The following FSTL4 variants were observed in gnomAD, a reference collection of about 807,000 sequenced individuals.
FSTL4 encodes follistatin like 4, also known as follistatin-related protein 4.
Under a neutral mutation model 78.2 loss-of-function variants are expected in FSTL4, and 28 were observed. The observed-to-expected ratio is 0.36, with a 90% confidence interval of 0.27 to 0.49. The LOEUF (loss-of-function observed/expected upper bound fraction) is 0.49. Ranked by LOEUF, FSTL4 falls within the 20% of genes least tolerant of loss-of-function variation. The probability of loss-of-function intolerance (pLI) is 0.98; values close to 1 mark genes in which losing one functional copy is unlikely to be tolerated. For synonymous variants in FSTL4, 422 were observed against 440.5 expected (o/e 0.96, Z 0.53); for missense variants, 922 against 1,084.9 (o/e 0.85, Z 2.11).
At chr5:133,548,078 T>G (rs1759618969) in intron 3 of FSTL4, among the ~76,000 whole-genome samples, 1 of 152,202 alleles carries the variant, frequency 6.6e-6, no homozygotes, top group South Asian at 2.1e-4. Flanking sequence ...GCTCTGCATT[T>G]AGGACCCTCC....
chr5:133,696,339 C>T, the FSTL4 span, among the ~76,000 whole-genome samples: 1 of 152,232 alleles, frequency 6.6e-6, no homozygotes, highest in Non-Finnish European at 1.5e-5. Context: ...CTGCCGAAGC[C>T]CTGTGACCAT....
At chr5:133,684,260 T>A in the FSTL4 span, among the ~76,000 whole-genome samples, 3 of 152,200 alleles carry the variant, frequency 2.0e-5, no homozygotes, top group Non-Finnish European at 2.9e-5. Context: ...CTGGGCAGCT[T>A]CTGCCCTGCA....
At chr5:133,772,043 C>T in the FSTL4 span, among the ~76,000 whole-genome samples, 60 of 152,300 alleles carry the variant, frequency 3.9e-4, no homozygotes, top group African/African-American at 1.4e-3. Flanking sequence ...TTAATGAAGA[C>T]TGCCAAAAAG....
intron 2 of FSTL4, among the ~76,000 whole-genome samples, chr5:133,596,856 C>T (rs187616378): frequency 4.5e-4 from 69 of 152,340 alleles, no homozygotes; most frequent in Non-Finnish European, 4.0e-4. Flanking sequence ...AGCACACACT[C>T]CTGGCAGGAG....
intron 4 of FSTL4, among the ~76,000 whole-genome samples, chr5:133,317,373 G>A (rs986013448): frequency 3.3e-5 from 5 of 152,172 alleles, no homozygotes; most frequent in African/African-American, 7.2e-5. Flanking sequence ...TGGACATCAC[G>A]CAGGGCAACG....
At chr5:133,409,112 T>C (rs1756428979) in intron 3 of FSTL4, among the ~76,000 whole-genome samples, 1 of 152,190 alleles carries the variant, frequency 6.6e-6, no homozygotes, top group Non-Finnish European at 1.5e-5. Context: ...CGCCAGGGCT[T>C]CACTGGACCC....
At chr5:133,809,819 A>C in the FSTL4 span, among the ~76,000 whole-genome samples, 3 of 152,134 alleles carry the variant, frequency 2.0e-5, no homozygotes, top group Non-Finnish European at 4.4e-5. Flanking sequence ...AGGTCTTCCC[A>C]GCCTGACAGT....
At chr5:133,572,527 G>A (rs1163220485) in intron 2 of FSTL4, among the ~76,000 whole-genome samples, 1 of 151,906 alleles carries the variant, frequency 6.6e-6, no homozygotes, top group East Asian at 1.9e-4. Context: ...AACACTAAGA[G>A]CAATACTTTA....
At chr5:133,271,429 G>C (rs1204010904) in intron 6 of FSTL4, among the ~76,000 whole-genome samples, 1 of 152,204 alleles carries the variant, frequency 6.6e-6, no homozygotes, top group African/African-American at 2.4e-5. Context: ...TGGAAGCACA[G>C]ATTCTCAGCC....
intron 2 of FSTL4, among the ~76,000 whole-genome samples, chr5:133,569,944 T>G (rs773216954): frequency 4.6e-5 from 7 of 152,090 alleles, no homozygotes; most frequent in Non-Finnish European, 1.0e-4. Context: ...GCGCGGTGGC[T>G]CTCACCTGTA....
chr5:133,747,263 T>G, the FSTL4 span, among the ~76,000 whole-genome samples: 1 of 152,148 alleles, frequency 6.6e-6, no homozygotes, highest in Non-Finnish European at 1.5e-5. Flanking sequence ...GCCAAGGAAA[T>G]TATTCTTAAT....
intron 5 of FSTL4, among the ~76,000 whole-genome samples, chr5:133,313,833 T>C (rs773600614): frequency 5.3e-5 from 8 of 152,334 alleles, no homozygotes; most frequent in Admixed American, 3.3e-4. Context: ...TATTTCTGCA[T>C]TGGAAATTGA....
At chr5:133,807,851 TCTC>T in the FSTL4 span, among the ~76,000 whole-genome samples, 8 of 152,200 alleles carry the variant, frequency 5.3e-5, no homozygotes, top group Admixed American at 4.6e-4. Context: ...GACAGTGTCT[TCTC>T]CTCACGCTTA....
At chr5:133,694,955 G>T in the FSTL4 span, among the ~76,000 whole-genome samples, 17 of 152,144 alleles carry the variant, frequency 1.1e-4, no homozygotes, top group Non-Finnish European at 2.2e-4. Flanking sequence ...CAGCTTGGGG[G>T]TTAGGGCTTC....
the FSTL4 span, among the ~76,000 whole-genome samples, chr5:133,783,916 G>C: frequency 7.2e-6 from 1 of 139,724 alleles, no homozygotes; most frequent in Non-Finnish European, 1.5e-5. Context: ...AGAACAGTTA[G>C]CTCACAGGCA....
intron 6 of FSTL4, among the ~76,000 whole-genome samples, chr5:133,262,814 A>T (rs1752564058): frequency 6.6e-6 from 1 of 152,040 alleles, no homozygotes; most frequent in Non-Finnish European, 1.5e-5. Flanking sequence ...TCACTCCTAA[A>T]CAAATGTGGA....
At chr5:133,348,859 T>C (rs892541749) in intron 4 of FSTL4, among the ~76,000 whole-genome samples, 20 of 152,176 alleles carry the variant, frequency 1.3e-4, no homozygotes, top group African/African-American at 4.3e-4. Context: ...GCATGGAGCC[T>C]GGAACAGAGA....
At chr5:133,820,344 TGAC>T in the FSTL4 span, among the ~76,000 whole-genome samples, 1 of 152,240 alleles carries the variant, frequency 6.6e-6, no homozygotes. Context: ...CCCACATTTG[TGAC>T]GTTTATGGAA....
At chr5:133,788,771 T>C in the FSTL4 span, among the ~76,000 whole-genome samples, 6 of 152,194 alleles carry the variant, frequency 3.9e-5, no homozygotes, top group East Asian at 5.8e-4. Context: ...TACTCTGAAA[T>C]TTGCCATTTT....
Sources: allele counts gnomAD v4.1 joint callset (sites outside exome capture counted in the v4.1 genomes callset), GRCh38; gene constraint gnomAD v4.1.1; transcripts MANE v1.5; gene names NCBI Gene and HGNC (gene_info 2026-07-23, HGNC 2026-07-21).